Variants in KCNQ3 observed in about 807,000 individuals in gnomAD.
The protein encoded by KCNQ3 is potassium voltage-gated channel subfamily Q member 3, also known as potassium voltage-gated channel subfamily KQT member 3.
In KCNQ3, 30 loss-of-function variants were observed where a neutral mutation model predicts 92.5. The ratio of observed to expected loss-of-function variants is 0.32; its 90% CI spans 0.24 to 0.44. KCNQ3 has a LOEUF of 0.44. Ranked by LOEUF, KCNQ3 falls within the 20% of genes least tolerant of loss-of-function variation. The probability of loss-of-function intolerance (pLI) is 1.00; values close to 1 mark genes in which losing one functional copy is unlikely to be tolerated. For missense variants in KCNQ3, 913 were observed against 1,140.3 expected (o/e 0.80, Z 2.87); for synonymous variants, 450 against 468.8 (o/e 0.96, Z 0.52).
At chr8:132,186,680 C>G (rs1826966057) in intron 1 of KCNQ3, 1 of 282,000 alleles carries the variant, frequency 3.5e-6, no homozygotes, top group Non-Finnish European at 7.0e-6. Context: ...AATATTGTCA[C>G]CAAGTATGAA....
intron 1 of KCNQ3, among the ~76,000 whole-genome samples, chr8:132,466,362 G>A (rs1444084849): frequency 6.6e-6 from 1 of 151,350 alleles, no homozygotes; most frequent in Non-Finnish European, 1.5e-5. Flanking sequence ...ACCAGAGGAC[G>A]ACTACCAGTT....
Position 132,129,180 on chromosome 8 carries a change from G to T in KCNQ3, c.*82C>A. The stretch of plus-strand genomic sequence containing the variant: ...ATTTGATGCAGCCATTGGTGTCCCC[G>T]CTGGTAAGCGTCGGGTGTAAGAGTA... On this transcript the variant is annotated 3_prime_UTR_variant, in exon 15 of 15. Coordinates refer to ENST00000388996, the MANE Select transcript of KCNQ3 (RefSeq NM_004519.4). The surrounding 1 kb of genome is among the most constrained non-coding windows in gnomAD (Gnocchi z 5.9). 2 of 1,534,100 alleles carry T rather than the reference G, an allele frequency of 1.3e-6. No homozygotes were observed. Among genetic ancestry groups the T allele is most frequent in the Non-Finnish European group, 1.8e-6 (2 of 1,128,632 alleles).
chr8:132,220,145 C>A (rs1814176736), intron 1 of KCNQ3, among the ~76,000 whole-genome samples: 1 of 151,958 alleles, frequency 6.6e-6, no homozygotes, highest in African/African-American at 2.4e-5. Context: ...GTCTGCATGC[C>A]CCCTCCAAAC....
At chr8:132,142,448 G>A (rs1476213302) in intron 9 of KCNQ3, among the ~76,000 whole-genome samples, 3 of 152,176 alleles carry the variant, frequency 2.0e-5, no homozygotes, top group Non-Finnish European at 4.4e-5. Flanking sequence ...CCAGGATTCG[G>A]CATAGAGTGT....
chr8:132,266,676 A>T (rs1218508103), intron 1 of KCNQ3, among the ~76,000 whole-genome samples: 2 of 152,146 alleles, frequency 1.3e-5, no homozygotes, highest in Admixed American at 1.3e-4. Context: ...CTCAAACCGG[A>T]GCTGCATCAC....
At chr8:132,440,781 C>T (rs1265776932) in intron 1 of KCNQ3, among the ~76,000 whole-genome samples, 1 of 152,204 alleles carries the variant, frequency 6.6e-6, no homozygotes, top group Non-Finnish European at 1.5e-5. Flanking sequence ...AGATGCCACT[C>T]TGCCACCCTC....
chr8:132,310,084 C>T (rs1464121613), intron 1 of KCNQ3, among the ~76,000 whole-genome samples: 2 of 152,192 alleles, frequency 1.3e-5, no homozygotes, highest in Non-Finnish European at 2.9e-5. Context: ...AGGAATAGAT[C>T]TACTGGCCTC....
chr8:132,148,202 C>A lies in KCNQ3; in HGVS notation c.1263-6871G>T, dbSNP rs143773649. Among the ~76,000 whole-genome samples the A allele has an allele frequency of 9.0e-4, 137 of 152,232 alleles. 2 individuals carry two copies. Among genetic ancestry groups the A allele is most frequent in the Middle Eastern group, 3.4e-3 (1 of 294 alleles). ...AAAAGAAAGGGGGTCTGGAACTTGA[C>A]GGGCCTTCCTTAAATGGTATAAACA... On this transcript the variant is annotated intron_variant, in intron 9 of 14. Transcript: ENST00000388996.
At chr8:132,443,226 C>T (rs1192575011) in intron 1 of KCNQ3, among the ~76,000 whole-genome samples, 2 of 152,162 alleles carry the variant, frequency 1.3e-5, no homozygotes, top group Non-Finnish European at 2.9e-5. Flanking sequence ...CCACCCCCAC[C>T]TATGGGAATC....
chr8:132,233,773 C>A (rs1814716870), intron 1 of KCNQ3, among the ~76,000 whole-genome samples: 1 of 152,088 alleles, frequency 6.6e-6, no homozygotes, highest in Non-Finnish European at 1.5e-5. Flanking sequence ...AGTTTGTTTT[C>A]ATTAATATTT....
intron 1 of KCNQ3, among the ~76,000 whole-genome samples, chr8:132,252,415 G>A (rs547162599): frequency 4.5e-4 from 68 of 152,136 alleles, no homozygotes; most frequent in African/African-American, 1.5e-3. Context: ...TGTTCCTCCC[G>A]GTGGGTTCAT....
intron 1 of KCNQ3, among the ~76,000 whole-genome samples, chr8:132,360,797 G>T (rs1225424122): frequency 6.6e-6 from 1 of 152,208 alleles, no homozygotes; most frequent in East Asian, 1.9e-4. Context: ...TTGATCTTCA[G>T]AATATAAGTG....
intron 1 of KCNQ3, among the ~76,000 whole-genome samples, chr8:132,363,317 A>G (rs531881172): frequency 6.6e-6 from 1 of 151,978 alleles, no homozygotes; most frequent in Admixed American, 6.5e-5. Context: ...AGAGCCTCTA[A>G]TAAGTTAAAT....
At chr8:132,162,801 G>A (rs142699109) in intron 9 of KCNQ3, among the ~76,000 whole-genome samples, 6 of 152,264 alleles carry the variant, frequency 3.9e-5, no homozygotes, top group African/African-American at 1.4e-4. Flanking sequence ...CTATAAGGTA[G>A]TCCAGGGTCC....
At chr8:132,282,615 T>C (rs1447265632) in intron 1 of KCNQ3, among the ~76,000 whole-genome samples, 1 of 152,166 alleles carries the variant, frequency 6.6e-6, no homozygotes, top group African/African-American at 2.4e-5. Context: ...AAGGATCCCA[T>C]TTCTAAGACT....
intron 1 of KCNQ3, among the ~76,000 whole-genome samples, chr8:132,465,838 G>A (rs1822159894): frequency 6.6e-6 from 1 of 152,194 alleles, no homozygotes; most frequent in Admixed American, 6.5e-5. Flanking sequence ...TTTGAGCCCA[G>A]GAGGTCGAGG....
chr8:132,154,732 G>A (rs1350410514), intron 9 of KCNQ3, among the ~76,000 whole-genome samples: 4 of 152,146 alleles, frequency 2.6e-5, no homozygotes, highest in Non-Finnish European at 5.9e-5. Context: ...ATGGAAACCT[G>A]TTAACGGGAA....
rs1586811652 is a variant in KCNQ3 at position 132,185,966 on chromosome 8, G to A, written c.477+125C>T. ...TAATGGAGGCTTTGCTTTTCCTTGG[G>A]CCTGGACTTGACTGGAGACTACAAG... On this transcript the variant is annotated intron_variant, in intron 2 of 14. Coordinates refer to ENST00000388996, the MANE Select transcript of KCNQ3 (RefSeq NM_004519.4). 12 of 751,214 alleles carry A rather than the reference G, an allele frequency of 1.6e-5. No individual in the cohort carries two copies. The East Asian group carries it at 3.1e-4, about 20-fold the overall frequency. 46.5% of individuals were successfully genotyped at this position (751,214 alleles called of 1,614,324 possible).
chr8:132,389,203 T>A (rs1487710491), intron 1 of KCNQ3, among the ~76,000 whole-genome samples: 1 of 152,206 alleles, frequency 6.6e-6, no homozygotes, highest in Non-Finnish European at 1.5e-5. Flanking sequence ...ACACCTGTAA[T>A]CCCAGCACTT....
Sources: gnomAD v4.1 joint callset for allele counts (sites outside exome capture counted in the v4.1 genomes callset) on GRCh38, gnomAD v4.1.1 for gene constraint, Gnocchi (gnomAD v3.1) non-coding constraint, MANE v1.5 for transcripts, NCBI Gene and HGNC (gene_info 2026-07-23, HGNC 2026-07-21) for gene names.